The following PRKG1 variants were observed in gnomAD, a reference collection of about 807,000 sequenced individuals.
PRKG1 encodes the protein cGMP-dependent protein kinase 1.
In PRKG1, 35 loss-of-function variants were observed where a neutral mutation model predicts 88.1. The observed-to-expected ratio is 0.40, with a 90% CI of 0.30 to 0.53. The LOEUF is 0.53. PRKG1 is among the 20% of genes least tolerant of loss of function. The pLI, the probability that PRKG1 is intolerant of heterozygous loss-of-function variation, is 0.59. For synonymous variants in PRKG1, 303 were observed against 292.5 expected (o/e 1.04, Z -0.37); for missense variants, 540 against 839.8 (o/e 0.64, Z 4.41).
Position 52,255,929 on chromosome 10 carries a change from T to C in PRKG1, c.1173+4263T>C, listed in dbSNP as rs1168966442. Among the ~76,000 whole-genome samples the C allele has an allele frequency of 2.6e-5, 4 of 151,772 alleles. No homozygotes were observed. The East Asian group carries it at 7.8e-4, about 29-fold the overall frequency. ...ATCTTCAAATTACTTTCATGTTCAT[T>C]GTATAATTTTGCCCTTATAGCTACT... is the stretch of plus-strand genomic sequence containing the variant. On this transcript the variant is annotated intron_variant, in intron 10 of 17. Transcript: ENST00000373980.
intron 8 of PRKG1, among the ~76,000 whole-genome samples, chr10:52,153,235 A>G (rs1837988039): frequency 6.6e-6 from 1 of 152,250 alleles, no homozygotes; most frequent in Non-Finnish European, 1.5e-5. Context: ...AAAAGCATAG[A>G]AATAAATGCC....
intron 1 of PRKG1, among the ~76,000 whole-genome samples, chr10:51,138,336 A>G (rs773613736): frequency 3.3e-5 from 5 of 152,154 alleles, no homozygotes; most frequent in Non-Finnish European, 7.4e-5. Context: ...TTATAATGCA[A>G]TTCTAAACTT....
chr10:51,036,308 T>C (rs1843353664), intron 1 of PRKG1, among the ~76,000 whole-genome samples: 1 of 152,174 alleles, frequency 6.6e-6, no homozygotes, highest in Non-Finnish European at 1.5e-5. Context: ...GGGTATTCAA[T>C]GTATATTTGT....
At chr10:52,038,215 G>A (rs1845666452) in intron 5 of PRKG1, among the ~76,000 whole-genome samples, 1 of 152,024 alleles carries the variant, frequency 6.6e-6, no homozygotes, top group Non-Finnish European at 1.5e-5. Context: ...GGGAGTAGAA[G>A]GAGGAATGAA....
At position 52,090,266 on chromosome 10, in the gene PRKG1, A is replaced by G. The variant is rs577185424; in HGVS notation, c.935+27635A>G. Among the ~76,000 whole-genome samples, 174 of 152,162 alleles carry G rather than the reference A, an allele frequency of 1.1e-3. 2 individuals carry two copies. Among genetic ancestry groups the G allele is most frequent in the Non-Finnish European group, 1.4e-3 (96 of 67,990 alleles). On this transcript the variant is annotated intron_variant, in intron 7 of 17. Coordinates refer to ENST00000373980, the MANE Select transcript of PRKG1 (RefSeq NM_006258.4). ...GGAATGATTTTTTTTTTAAATGGCT[A>G]CATACAAAAAAGACATTGGAGGCAA... is the stretch of plus-strand genomic sequence containing the variant.
chr10:51,659,495 A>C (rs1168545727), intron 3 of PRKG1, among the ~76,000 whole-genome samples: 2 of 152,108 alleles, frequency 1.3e-5, no homozygotes, highest in Admixed American at 6.6e-5. Flanking sequence ...TTTCAGGCAA[A>C]ATCAAGGGTT....
At chr10:51,417,603 T>C (rs914620524) in intron 2 of PRKG1, among the ~76,000 whole-genome samples, 1 of 152,160 alleles carries the variant, frequency 6.6e-6, no homozygotes, top group African/African-American at 2.4e-5. Context: ...TGAAAAATTG[T>C]AGAACATAGT....
chr10:51,165,487 C>T (rs1846512524), intron 2 of PRKG1, among the ~76,000 whole-genome samples: 1 of 152,166 alleles, frequency 6.6e-6, no homozygotes, highest in South Asian at 2.1e-4. Context: ...GAAACTGCAA[C>T]TAACAAGCAA....
chr10:52,230,029 A>G (rs1840485598), intron 9 of PRKG1, among the ~76,000 whole-genome samples: 1 of 152,208 alleles, frequency 6.6e-6, no homozygotes, highest in Non-Finnish European at 1.5e-5. Context: ...GAAAAAAAGC[A>G]TAAATTGCAA....
chr10:52,225,192 G>A (rs1376797078), intron 9 of PRKG1, among the ~76,000 whole-genome samples: 1 of 152,006 alleles, frequency 6.6e-6, no homozygotes, highest in African/African-American at 2.4e-5. Context: ...GGAGTAAGGT[G>A]GTATTGCATT....
Position 51,526,154 on chromosome 10 carries a change from G to T in PRKG1, c.592+58318G>T, listed in dbSNP as rs113660924. 3.2e-3 allele frequency among the ~76,000 whole-genome samples: 482 copies of T among 152,144 alleles called. 3 individuals carry two copies. The highest frequency in any genetic ancestry group is 0.011 in the African/African-American group (456 of 41,502). On this transcript the variant is annotated intron_variant, in intron 3 of 17. Transcript: ENST00000373980. ...CTATTAAACATTTAAAATGTGATTA[G>T]CTTTAATTGAGGGGTGCTATAAGAA...
intron 7 of PRKG1, among the ~76,000 whole-genome samples, chr10:52,065,154 T>C (rs765113465): frequency 6.6e-5 from 10 of 152,206 alleles, no homozygotes; most frequent in Non-Finnish European, 1.3e-4. Context: ...GAATGCATGA[T>C]AAAAATATTT....
intron 9 of PRKG1, among the ~76,000 whole-genome samples, chr10:52,196,862 A>C (rs181708645): frequency 1.3e-5 from 2 of 152,216 alleles, no homozygotes; most frequent in East Asian, 3.8e-4. Context: ...CATGCTGAAT[A>C]AATCTACTAT....
At chr10:52,265,004 T>G (rs944144268) in intron 10 of PRKG1, among the ~76,000 whole-genome samples, 1 of 152,100 alleles carries the variant, frequency 6.6e-6, no homozygotes, top group African/African-American at 2.4e-5. Context: ...TGCCACATGT[T>G]TTTTGGGCCG....
chr10:51,984,052 G>A (rs546198447), intron 5 of PRKG1, among the ~76,000 whole-genome samples: 1 of 152,288 alleles, frequency 6.6e-6, no homozygotes, highest in African/African-American at 2.4e-5. Context: ...ACGTTAAGAA[G>A]TACACAATTA....
At chr10:51,396,099 G>A (rs770854645) in intron 2 of PRKG1, among the ~76,000 whole-genome samples, 12 of 152,136 alleles carry the variant, frequency 7.9e-5, no homozygotes, top group Admixed American at 5.2e-4. Context: ...ATTCTTCAAG[G>A]AGGGGCCTAG....
chr10:51,445,406 C>G (rs293253), intron 2 of PRKG1, among the ~76,000 whole-genome samples: 5,152 of 150,842 alleles, frequency 0.034, 319 homozygotes, highest in African/African-American at 0.12. Context: ...TAAAAGTTAG[C>G]CTTTGATCAT....
At chr10:52,290,126 C>T in intron 16 of PRKG1, 98 bp from the exon 17 acceptor site, 1 of 874,182 alleles carries the variant, frequency 1.1e-6, no homozygotes, top group Non-Finnish European at 1.7e-6. Flanking sequence ...AAAATGTTTG[C>T]CTAACTGCTT....
At chr10:51,095,695 G>A (rs753986087) in intron 1 of PRKG1, among the ~76,000 whole-genome samples, 13 of 152,160 alleles carry the variant, frequency 8.5e-5, no homozygotes, top group Non-Finnish European at 1.6e-4. Context: ...CAGTACTGGG[G>A]AACTGCATTC....
Sources: allele counts gnomAD v4.1 joint callset (sites outside exome capture counted in the v4.1 genomes callset), GRCh38; gene constraint gnomAD v4.1.1; transcripts MANE v1.5; gene names NCBI Gene and HGNC (gene_info 2026-07-23, HGNC 2026-07-21).